Variants in SKI observed in about 807,000 individuals in gnomAD.
SKI encodes the protein SKI proto-oncogene, also known as ski oncogene.
Under a neutral mutation model 59.3 loss-of-function variants are expected in SKI, and 23 were observed. The ratio of observed to expected loss-of-function variants is 0.39; its 90% CI spans 0.28 to 0.55. The LOEUF (loss-of-function observed/expected upper bound fraction) is 0.55, where lower values mean the gene tolerates loss of function less well. Ranked by LOEUF, SKI falls within the 20% of genes least tolerant of loss-of-function variation. The pLI is 0.67. For synonymous variants in SKI, 673 were observed against 488.6 expected (o/e 1.38, Z -4.98); for missense variants, 1,017 against 1,038.9 (o/e 0.98, Z 0.29).
chr1:2,283,639 A>C (rs1311503487), intron 1 of SKI, among the ~76,000 whole-genome samples: 1 of 151,684 alleles, frequency 6.6e-6, no homozygotes, highest in Non-Finnish European at 1.5e-5. Flanking sequence ...TTTGGGTACC[A>C]CGAGGGGCCA....
chr1:2,306,762 GT>G lies in SKI; in HGVS notation c.2185del (p.Ter729ArgfsTer48). 6.6e-7 allele frequency: 1 copy of G among 1,513,468 alleles called. No individual in the cohort carries two copies. Among genetic ancestry groups the G allele is most frequent in the Non-Finnish European group, 8.8e-7 (1 of 1,134,536 alleles). 93.8% of individuals were successfully genotyped at this position (1,513,468 alleles called of 1,614,324 possible). ...GSEGAAELEP* is the reference protein window; with the variant it reads ...GSEGAAELEPX ...GCGAGGGCGCTGCGGAGCTGGAGCC[GT>G]AGATTCCGTGCCTGCCGCCGCAGCG... is the stretch of plus-strand genomic sequence containing the variant. On this transcript the variant is annotated frameshift_variant and stop_lost, in exon 7 of 7. Coordinates refer to ENST00000378536, the MANE Select transcript of SKI (RefSeq NM_003036.4). LOFTEE classifies it high-confidence loss of function.
intron 1 of SKI, among the ~76,000 whole-genome samples, chr1:2,292,107 T>G (rs889825605): frequency 3.9e-5 from 6 of 152,162 alleles, no homozygotes; most frequent in African/African-American, 1.4e-4. Flanking sequence ...GTGAGGGTAT[T>G]TGGGGGTGCA....
chr1:2,287,154 C>T (rs1200687613), intron 1 of SKI, among the ~76,000 whole-genome samples: 1 of 152,096 alleles, frequency 6.6e-6, no homozygotes, highest in Admixed American at 6.5e-5. Context: ...CCGGGGTGCC[C>T]TGGCCCAGGG....
chr1:2,291,281 C>T (rs763522581), intron 1 of SKI, among the ~76,000 whole-genome samples: 13 of 152,258 alleles, frequency 8.5e-5, no homozygotes, highest in Non-Finnish European at 1.8e-4. Context: ...TTTCGGATTC[C>T]GAAAGTGAGG....
At chr1:2,257,226 G>C (rs995704946) in intron 1 of SKI, among the ~76,000 whole-genome samples, 3 of 152,210 alleles carry the variant, frequency 2.0e-5, no homozygotes, top group Non-Finnish European at 4.4e-5. Flanking sequence ...AGTTTGTCCT[G>C]CTGGTTTCCT....
At chr1:2,255,513 C>G (rs1360509283) in intron 1 of SKI, among the ~76,000 whole-genome samples, 1 of 152,078 alleles carries the variant, frequency 6.6e-6, no homozygotes, top group South Asian at 2.1e-4. Flanking sequence ...GCCTGGAGCT[C>G]TCTGTGTCCT....
chr1:2,307,512 C>G lies in SKI; in HGVS notation c.*747C>G, dbSNP rs959514848. 1 of 152,432 alleles carries G rather than the reference C, an allele frequency of 6.6e-6. No homozygotes were observed. Among genetic ancestry groups the G allele is most frequent in the African/African-American group, 2.4e-5 (1 of 41,464 alleles). 9.4% of individuals were successfully genotyped at this position (152,432 alleles called of 1,614,324 possible). ...GCACCCCGTGATTCTGCCCACGCTC[C>G]TCCACCACGAGGCACTGACCTGCGT... On this transcript the variant is annotated 3_prime_UTR_variant, in exon 7 of 7. Transcript: ENST00000378536.
intron 1 of SKI, among the ~76,000 whole-genome samples, chr1:2,256,845 TTG>T (rs1354468198): frequency 6.6e-6 from 1 of 152,204 alleles, no homozygotes; most frequent in Admixed American, 6.5e-5. Flanking sequence ...TCGAGGCGGC[TTG>T]TGTTTGGCCC....
rs148135904 is a variant in SKI, at chr1:2,255,610, A to G, written c.969+25875A>G. ...GTCCTGACCTCATTTCCTGTCTGGA[A>G]CATGCTGTGTCCTAACTGCATTTCC... On this transcript the variant is annotated intron_variant, in intron 1 of 6. Coordinates refer to ENST00000378536, the MANE Select transcript of SKI (RefSeq NM_003036.4). Among the ~76,000 whole-genome samples the G allele has an allele frequency of 6.8e-4, 100 of 147,180 alleles. 2 individuals are homozygous for G. The highest frequency in any genetic ancestry group is 2.5e-3 in the African/African-American group (97 of 39,196).
At chr1:2,260,631 C>T (rs1369430335) in intron 1 of SKI, among the ~76,000 whole-genome samples, 1 of 146,080 alleles carries the variant, frequency 6.8e-6, no homozygotes, top group Non-Finnish European at 1.5e-5. Flanking sequence ...GCCTTTACCT[C>T]CCAGGCTGAG....
At chr1:2,293,669 G>A (rs867721112) in intron 1 of SKI, among the ~76,000 whole-genome samples, 65 of 152,278 alleles carry the variant, frequency 4.3e-4, no homozygotes, top group Middle Eastern at 6.8e-3. Flanking sequence ...GCGTGTCCTC[G>A]TGTTTCCGCT....
At chr1:2,279,448 C>G (rs973990847) in intron 1 of SKI, among the ~76,000 whole-genome samples, 4 of 152,232 alleles carry the variant, frequency 2.6e-5, no homozygotes, top group African/African-American at 9.7e-5. Flanking sequence ...CCCGGCCTCT[C>G]GCCTGTTCCC....
At chr1:2,244,741 C>T (rs1002450138) in intron 1 of SKI, among the ~76,000 whole-genome samples, 2 of 152,000 alleles carry the variant, frequency 1.3e-5, no homozygotes, top group Non-Finnish European at 2.9e-5. Flanking sequence ...ATTACATTTT[C>T]TTATTGTGGC....
chr1:2,266,022 G>T (rs1384573017), intron 1 of SKI, among the ~76,000 whole-genome samples: 1 of 152,116 alleles, frequency 6.6e-6, no homozygotes, highest in Admixed American at 6.6e-5. Flanking sequence ...ACTGCGTTCA[G>T]TTATTTGGAG....
At chr1:2,246,396 C>T (rs1638995440) in intron 1 of SKI, among the ~76,000 whole-genome samples, 1 of 152,106 alleles carries the variant, frequency 6.6e-6, no homozygotes, top group South Asian at 2.1e-4. Flanking sequence ...CTCAGTTGTA[C>T]GTCTTTATCT....
Position 2,310,000 on chromosome 1 carries a change from C to G in SKI, c.*3235C>G, listed in dbSNP as rs1303920300. On this transcript the variant is annotated 3_prime_UTR_variant, in exon 7 of 7. Coordinates refer to ENST00000378536, the MANE Select transcript of SKI (RefSeq NM_003036.4). ...CTTTAACATCACCCAGACCCCCGCCCCTGCCCGTGCCCCACGCTGCTGCTA... is the reference window on the plus strand; with the variant it reads ...CTTTAACATCACCCAGACCCCCGCCGCTGCCCGTGCCCCACGCTGCTGCTA... The G allele has an allele frequency of 6.7e-6, 1 of 149,442 alleles. No homozygotes were observed. Among genetic ancestry groups the G allele is most frequent in the African/African-American group, 2.5e-5 (1 of 40,280 alleles). The allele number at this position is 149,442 out of a possible 1,614,324, so 9.3% of individuals were successfully genotyped here.
chr1:2,300,220 C>T (rs758072072), intron 1 of SKI, among the ~76,000 whole-genome samples: 5 of 152,254 alleles, frequency 3.3e-5, no homozygotes, highest in Admixed American at 2.0e-4. Context: ...CGCGGGGCAG[C>T]GCGGTGTGTC....
chr1:2,304,692 T>C (rs1640523940), intron 5 of SKI, 107 bp downstream of exon 5: 4 of 1,443,702 alleles, frequency 2.8e-6, no homozygotes, highest in East Asian at 2.5e-5. Flanking sequence ...GGCTGCCCCA[T>C]GCGCTCCTCT....
chr1:2,248,838 C>T (rs76445042), intron 1 of SKI, among the ~76,000 whole-genome samples: 300 of 152,352 alleles, frequency 2.0e-3, no homozygotes, highest in African/African-American at 6.9e-3. Flanking sequence ...GGTTTAGGAG[C>T]ATGGCTGGGC....
Sources: allele counts gnomAD v4.1 joint callset (sites outside exome capture counted in the v4.1 genomes callset), GRCh38; gene constraint gnomAD v4.1.1; transcripts MANE v1.5; gene names NCBI Gene and HGNC (gene_info 2026-07-23, HGNC 2026-07-21).